HAPLN2: variants seen among roughly 807,000 people sequenced by gnomAD.
HAPLN2 encodes the protein hyaluronan and proteoglycan link protein 2.
A neutral mutation model predicts 29.3 loss-of-function variants in HAPLN2; 27 were observed. That is an observed-to-expected ratio of 0.92 (90% confidence interval 0.68 to 1.27). HAPLN2 has a LOEUF of 1.27. Ranked by LOEUF, HAPLN2 falls within the 50% of genes most tolerant of loss-of-function variation. The pLI, the probability that HAPLN2 is intolerant of heterozygous loss-of-function variation, is 0.00. For missense variants in HAPLN2, 454 were observed against 484.3 expected (o/e 0.94, Z 0.59); for synonymous variants, 208 against 211.7 (o/e 0.98, Z 0.15).
upstream of HAPLN2, among the ~76,000 whole-genome samples, chr1:156,619,036 T>C (rs1450653453): frequency 5.3e-5 from 8 of 152,094 alleles, no homozygotes; most frequent in Non-Finnish European, 1.5e-5. Context: ...CCTATTGCAA[T>C]GCTAGCCACT....
the HAPLN2 span, among the ~76,000 whole-genome samples, chr1:156,611,866 T>A: frequency 6.6e-6 from 1 of 152,076 alleles, no homozygotes; most frequent in Admixed American, 6.6e-5. Context: ...GATATGGAAC[T>A]TTTTTGTTAG....
At chr1:156,606,423 TAAAAAAAAAA>T in the HAPLN2 span, among the ~76,000 whole-genome samples, 1 of 49,494 alleles carries the variant, frequency 2.0e-5, no homozygotes, top group Non-Finnish European at 3.9e-5. Context: ...AGACTCTGTC[TAAAAAAAAAA>T]AAAAAAAAAA....
the HAPLN2 span, among the ~76,000 whole-genome samples, chr1:156,609,447 A>G: frequency 2.0e-5 from 3 of 152,232 alleles, no homozygotes; most frequent in Non-Finnish European, 4.4e-5. Flanking sequence ...TAATGTTGTT[A>G]TGTTTGTTAA....
upstream of HAPLN2, among the ~76,000 whole-genome samples, chr1:156,617,223 G>C (rs1678079181): frequency 1.3e-5 from 2 of 152,080 alleles, no homozygotes; most frequent in South Asian, 4.1e-4. Context: ...AGTGGAAAAA[G>C]CAGAAACTTC....
intron 2 of HAPLN2, among the ~76,000 whole-genome samples, chr1:156,621,620 C>T (rs1678228380): frequency 6.6e-6 from 1 of 151,508 alleles, no homozygotes; most frequent in South Asian, 2.1e-4. Flanking sequence ...GCCTGTAGTC[C>T]CAGCTACTCA....
the HAPLN2 span, among the ~76,000 whole-genome samples, chr1:156,601,825 A>G: frequency 7.1e-6 from 1 of 140,184 alleles, no homozygotes; most frequent in East Asian, 2.4e-4. Flanking sequence ...AGAGTAGGTG[A>G]TAGCTGTGTC....
the HAPLN2 span, among the ~76,000 whole-genome samples, chr1:156,610,572 G>A: frequency 6.6e-6 from 1 of 151,884 alleles, no homozygotes; most frequent in Admixed American, 6.6e-5. Flanking sequence ...CCAGGAAGGC[G>A]GAGGTTGCAG....
chr1:156,617,441 G>A (rs57387649), upstream of HAPLN2, among the ~76,000 whole-genome samples: 3 of 148,412 alleles, frequency 2.0e-5, no homozygotes, highest in South Asian at 2.2e-4. Context: ...ACCTCCTCCT[G>A]GGTTCAAGCG....
At chr1:156,604,821 C>G in the HAPLN2 span, among the ~76,000 whole-genome samples, 1 of 151,912 alleles carries the variant, frequency 6.6e-6, no homozygotes, top group Non-Finnish European at 1.5e-5. Flanking sequence ...GGAAAGATAC[C>G]CTGTGTTCAT....
chr1:156,605,279 A>G, the HAPLN2 span, among the ~76,000 whole-genome samples: 567 of 151,554 alleles, frequency 3.7e-3, 5 homozygotes, highest in African/African-American at 0.013. Flanking sequence ...AAGAAAAAAA[A>G]AGAGAGAGAA....
chr1:156,618,255 G>A (rs1400493872), upstream of HAPLN2, among the ~76,000 whole-genome samples: 4 of 145,226 alleles, frequency 2.8e-5, no homozygotes, highest in Admixed American at 7.1e-5. Context: ...GCAGTGAGCC[G>A]AGACTGCGCC....
chr1:156,618,596 G>A (rs945252914), upstream of HAPLN2, among the ~76,000 whole-genome samples: 9 of 151,938 alleles, frequency 5.9e-5, no homozygotes, highest in East Asian at 1.5e-3. Context: ...TGGTTAACAC[G>A]GGGAAACCCC....
the HAPLN2 span, among the ~76,000 whole-genome samples, chr1:156,604,623 A>G: frequency 4.6e-5 from 7 of 152,322 alleles, no homozygotes; most frequent in African/African-American, 1.7e-4. Context: ...TGTCTGTGAT[A>G]TAATTGAAAT....
At chr1:156,613,964 T>C in the HAPLN2 span, among the ~76,000 whole-genome samples, 1 of 139,570 alleles carries the variant, frequency 7.2e-6, no homozygotes, top group African/African-American at 2.6e-5. Flanking sequence ...AAAGAAAAAA[T>C]GCTCTAGTGT....
chr1:156,602,050 ATC>A, the HAPLN2 span, among the ~76,000 whole-genome samples: 2 of 151,424 alleles, frequency 1.3e-5, no homozygotes, highest in African/African-American at 4.9e-5. Flanking sequence ...TGATCCTCCC[ATC>A]TCAGCCTCGT....
the HAPLN2 span, among the ~76,000 whole-genome samples, chr1:156,611,654 TTCAA>T: frequency 6.6e-6 from 1 of 152,216 alleles, no homozygotes; most frequent in Non-Finnish European, 1.5e-5. Context: ...AGGTGATCCC[TTCAA>T]TCAATCAGTA....
At chr1:156,613,852 G>A in the HAPLN2 span, among the ~76,000 whole-genome samples, 10 of 150,402 alleles carry the variant, frequency 6.6e-5, no homozygotes, top group African/African-American at 2.4e-4. Context: ...AGGAAGCAGA[G>A]GTTGCATTGA....
At chr1:156,608,994 G>T in the HAPLN2 span, among the ~76,000 whole-genome samples, 23 of 152,202 alleles carry the variant, frequency 1.5e-4, no homozygotes, top group Admixed American at 1.5e-3. Context: ...AGCTGGGAAG[G>T]AGGACCGTGA....
intron 2 of HAPLN2, among the ~76,000 whole-genome samples, chr1:156,621,910 C>T (rs187269495): frequency 8.9e-4 from 133 of 149,810 alleles, no homozygotes; most frequent in African/African-American, 3.0e-3. Flanking sequence ...GATCCAAGAT[C>T]GTGCCACTGT....
Sources: allele counts gnomAD v4.1 joint callset (sites outside exome capture counted in the v4.1 genomes callset), GRCh38; gene constraint gnomAD v4.1.1; transcripts MANE v1.5; gene names NCBI Gene and HGNC (gene_info 2026-07-23, HGNC 2026-07-21).